The following TBC1D8 variants were observed in gnomAD, a reference collection of about 807,000 sequenced individuals.
TBC1D8 encodes the protein TBC1 domain family member 8.
In TBC1D8, 65 loss-of-function variants were observed where a neutral mutation model predicts 118.8. That is an observed-to-expected ratio of 0.55 (90% CI 0.45 to 0.67). The LOEUF (loss-of-function observed/expected upper bound fraction) is 0.67. Among genes scored for constraint, TBC1D8 ranks in the 30% least tolerant of loss-of-function variants. TBC1D8 has a pLI of 0.00. For synonymous variants in TBC1D8, 566 were observed against 595.8 expected (o/e 0.95, Z 0.73); for missense variants, 1,376 against 1,471.2 (o/e 0.94, Z 1.06).
intron 1 of TBC1D8, among the ~76,000 whole-genome samples, chr2:101,150,444 T>C (rs192917555): frequency 6.6e-6 from 1 of 152,320 alleles, no homozygotes; most frequent in East Asian, 1.9e-4. Context: ...TCAAAGAGCT[T>C]TGGAACAAAA....
chr2:101,135,303 T>C (rs1368454344), intron 1 of TBC1D8, among the ~76,000 whole-genome samples: 2 of 152,196 alleles, frequency 1.3e-5, no homozygotes, highest in Non-Finnish European at 2.9e-5. Flanking sequence ...AAATGTTTTA[T>C]TTGGCTAAAT....
chr2:101,144,785 A>G (rs1176929737), intron 1 of TBC1D8, among the ~76,000 whole-genome samples: 1 of 152,032 alleles, frequency 6.6e-6, no homozygotes, highest in Non-Finnish European at 1.5e-5. Context: ...TAAAATACAA[A>G]AAATTAGCCG....
rs1432227066 is a variant in TBC1D8 at position 101,089,915 on chromosome 2, C to T, written c.283+294G>A. 1.3e-3 allele frequency among the ~76,000 whole-genome samples: 158 copies of T among 121,442 alleles called. 1 individual carries two copies. Among genetic ancestry groups the T allele is most frequent in the African/African-American group, 4.0e-3 (127 of 31,808 alleles). The allele number at this position is 121,442 out of a possible 152,430, so 79.7% of individuals were successfully genotyped here. A position where few individuals can be genotyped will look rare whatever the true frequency, so the allele number is the denominator to read the frequency against. On this transcript the variant is annotated intron_variant, in intron 2 of 19. Coordinates refer to ENST00000409318, the MANE Select transcript of TBC1D8 (RefSeq NM_001330348.2). The stretch of plus-strand genomic sequence containing the variant: ...CAAGATTACAGCCTTTATGTGCTTT[C>T]GATGGTTTTTAAAAAAAAAAAAAAA...
intron 2 of TBC1D8, 140 bp downstream of exon 2, chr2:101,090,069 G>T: frequency 1.3e-6 from 1 of 780,268 alleles, no homozygotes; most frequent in Non-Finnish European, 2.0e-6. Context: ...AGGAAGGGGA[G>T]TGGAGGGGAG....
chr2:101,063,636 T>C (rs1682876674), intron 2 of TBC1D8, among the ~76,000 whole-genome samples: 1 of 152,244 alleles, frequency 6.6e-6, no homozygotes, highest in Admixed American at 6.5e-5. Flanking sequence ...GCCAACTGCA[T>C]GTCCGTGACC....
chr2:101,100,992 A>G (rs1676788013), intron 1 of TBC1D8, among the ~76,000 whole-genome samples: 2 of 152,250 alleles, frequency 1.3e-5, no homozygotes, highest in Non-Finnish European at 1.5e-5. Context: ...ATGAGCACAG[A>G]CTTCATGACT....
intron 1 of TBC1D8, among the ~76,000 whole-genome samples, chr2:101,140,630 G>A (rs1002943061): frequency 3.9e-5 from 6 of 152,100 alleles, no homozygotes; most frequent in Non-Finnish European, 7.4e-5. Flanking sequence ...AGGCTCATGA[G>A]AAACACAAAC....
At chr2:101,022,794 CAT>C (rs1267967748) in intron 15 of TBC1D8, among the ~76,000 whole-genome samples, 2 of 152,228 alleles carry the variant, frequency 1.3e-5, no homozygotes, top group Non-Finnish European at 2.9e-5. Flanking sequence ...GTTCAGCTAA[CAT>C]AGTTTTCATT....
chr2:101,040,458 A>T, intron 5 of TBC1D8, 73 bp from the exon 6 acceptor site: 1 of 1,402,198 alleles, frequency 7.1e-7, no homozygotes, highest in East Asian at 2.5e-5. Flanking sequence ...AAAGGAAAAT[A>T]CTTTTCCTTT....
Position 101,010,940 on chromosome 2 carries a change from T to G in TBC1D8, c.3004A>C (p.Lys1002Gln), listed in dbSNP as rs959428602. ...EKDKTEKELP[K>Q]MSQREFIQFC... The stretch of plus-strand genomic sequence containing the variant: ...AAGAAAGTCCATACCTGGCTCATTT[T>G]GGGCAATTCTTTCTCAGTTTTATCT... Residue 1002 changes from lysine (K) to glutamine (Q), a missense_variant, in exon 19 of 20, where the codon AAA becomes CAA. Coordinates refer to ENST00000409318, the MANE Select transcript of TBC1D8 (RefSeq NM_001330348.2). The G allele has an allele frequency of 6.2e-6, 10 of 1,612,178 alleles. No individual in the cohort carries two copies. Among genetic ancestry groups the G allele is most frequent in the Non-Finnish European group, 8.5e-6 (10 of 1,179,838 alleles).
In TBC1D8 at chr2:101,008,060, C is replaced by G; in HGVS notation, c.3229G>C (p.Asp1077His). ...APSPEDSVFA[D>H]TGKTPQDSQA... The stretch of plus-strand genomic sequence containing the variant: ...GAGTCCTGGGGCGTCTTCCCAGTGT[C>G]TGCAAAAACCGAGTCCTCAGGAGAA... Residue 1077 changes from aspartate (D) to histidine (H), a missense_variant, in exon 20 of 20, where the codon GAC becomes CAC. Transcript: ENST00000409318. 1.2e-6 allele frequency: 2 copies of G among 1,613,924 alleles called. No individual in the cohort carries two copies. Among genetic ancestry groups the G allele is most frequent in the Middle Eastern group, 1.7e-4 (1 of 6,058 alleles).
Position 101,007,839 on chromosome 2 carries a change from A to AAGTT in TBC1D8, c.3446_3449dup (p.Lys1151ThrfsTer2). ...TGTCTTGCTACAAGTTACTCAGCTT[A>AAGTT]AGTTCAGATTGTGATTGGTGGCTCA... On this transcript the variant is annotated frameshift_variant, in exon 20 of 20. Transcript: ENST00000409318. LOFTEE classifies it high-confidence loss of function. 1 of 1,613,726 alleles carries AAGTT rather than the reference A, an allele frequency of 6.2e-7. No homozygotes were observed. The highest frequency in any genetic ancestry group is 8.5e-7 in the Non-Finnish European group (1 of 1,179,846).
intron 17 of TBC1D8, among the ~76,000 whole-genome samples, chr2:101,016,724 C>A (rs1014923437): frequency 6.6e-6 from 1 of 152,122 alleles, no homozygotes; most frequent in Non-Finnish European, 1.5e-5. Context: ...CACATATACA[C>A]CATGGAATAC....
chr2:101,144,137 CTACATCCATG>C, intron 1 of TBC1D8, among the ~76,000 whole-genome samples: 1 of 152,296 alleles, frequency 6.6e-6, no homozygotes, highest in East Asian at 1.9e-4. Flanking sequence ...TACTTGATGT[CTACATCCATG>C]TATTTCACAA....
At chr2:101,118,552 C>A (rs1677947157) in intron 1 of TBC1D8, among the ~76,000 whole-genome samples, 1 of 151,894 alleles carries the variant, frequency 6.6e-6, no homozygotes, top group East Asian at 1.9e-4. Flanking sequence ...AAAAAATTAG[C>A]CAGGCTTGGT....
chr2:101,022,428 CT>C lies in TBC1D8; in HGVS notation c.2613del (p.Ile871MetfsTer12). 1 of 1,612,948 alleles carries C rather than the reference CT, an allele frequency of 6.2e-7. No homozygotes were observed. Among genetic ancestry groups the C allele is most frequent in the Non-Finnish European group, 8.5e-7 (1 of 1,179,414 alleles). ...PSRPYAEQYR[I>X]DARQFAHLFQ... is the part of the protein sequence containing the mutation. ...AACAGGTGTGCAAACTGCCGGGCATCTATGCGGTACTGCTCAGCATAGGGCC... is the reference window on the plus strand; with the variant it reads ...AACAGGTGTGCAAACTGCCGGGCATCATGCGGTACTGCTCAGCATAGGGCC... On this transcript the variant is annotated frameshift_variant, in exon 16 of 20. Transcript: ENST00000409318. LOFTEE classifies it high-confidence loss of function.
chr2:101,129,097 TTATG>T, intron 1 of TBC1D8, among the ~76,000 whole-genome samples: 1 of 152,216 alleles, frequency 6.6e-6, no homozygotes, highest in Non-Finnish European at 1.5e-5. Context: ...AAATTTTATG[TTATG>T]TATATTTACC....
intron 1 of TBC1D8, among the ~76,000 whole-genome samples, chr2:101,106,018 T>C (rs1677188790): frequency 6.6e-6 from 1 of 151,940 alleles, no homozygotes; most frequent in African/African-American, 2.4e-5. Flanking sequence ...ATCCATTCAG[T>C]AGAGTATTAT....
At chr2:101,085,425 C>G (rs929741099) in intron 2 of TBC1D8, among the ~76,000 whole-genome samples, 1 of 152,148 alleles carries the variant, frequency 6.6e-6, no homozygotes, top group Non-Finnish European at 1.5e-5. Context: ...AGCTCCAAAT[C>G]TGCAAGAAAT....
Sources: allele counts gnomAD v4.1 joint callset (sites outside exome capture counted in the v4.1 genomes callset), GRCh38; gene constraint gnomAD v4.1.1; transcripts MANE v1.5; gene names NCBI Gene and HGNC (gene_info 2026-07-23, HGNC 2026-07-21).